SRPK2: variants seen among roughly 807,000 people sequenced by gnomAD.
The protein encoded by SRPK2 is SFRS protein kinase 2.
In SRPK2, 21 loss-of-function variants were observed where a neutral mutation model predicts 90.8. The ratio of observed to expected loss-of-function variants is 0.23; its 90% CI spans 0.16 to 0.33. The LOEUF (loss-of-function observed/expected upper bound fraction) is 0.33, where lower values mean the gene tolerates loss of function less well. SRPK2 is among the 10% of genes least tolerant of loss of function. The pLI is 1.00. For missense variants in SRPK2, 620 were observed against 869.0 expected, an observed-to-expected ratio of 0.71 and a Z score of 3.60; for synonymous variants, 288 against 311.1, an observed-to-expected ratio of 0.93 and a Z score of 0.78.
Position 105,203,761 on chromosome 7 carries a change from A to T in SRPK2, c.96T>A (p.Pro32=). The T allele has an allele frequency of 3.1e-6, 5 of 1,599,518 alleles. No homozygotes were observed. Among genetic ancestry groups the T allele is most frequent in the Non-Finnish European group, 4.3e-6 (5 of 1,172,730 alleles). Residue 32 remains proline, a synonymous_variant, in exon 3 of 16, where the codon CCT becomes CCA. Transcript: ENST00000393651. ...GTGGCGGTGGAGGAGGAGGAACTAA[A>T]GGAGCTTTCTGTTGAGGCTCCGGCC... ...PKKPEPQQKA[P]LVPPPPPPPP... is the part of the protein sequence containing the mutation.
At chr7:105,324,848 C>T (rs2286124) in intron 2 of SRPK2, among the ~76,000 whole-genome samples, 27,551 of 152,072 alleles carry the variant, frequency 0.18, 3,155 homozygotes, top group East Asian at 0.58. Flanking sequence ...GATTGCGCCA[C>T]TGCACTCCAG....
intron 2 of SRPK2, among the ~76,000 whole-genome samples, chr7:105,368,745 C>G (rs1819363991): frequency 6.6e-6 from 1 of 152,030 alleles, no homozygotes; most frequent in Admixed American, 6.6e-5. Context: ...ATTAGCCAGG[C>G]ATGGTGGCGC....
At chr7:105,326,966 G>C (rs1479043534) in intron 2 of SRPK2, among the ~76,000 whole-genome samples, 1 of 151,870 alleles carries the variant, frequency 6.6e-6, no homozygotes, top group Non-Finnish European at 1.5e-5. Flanking sequence ...AGGAGGCTGA[G>C]GCAGGAGAAG....
intron 2 of SRPK2, among the ~76,000 whole-genome samples, chr7:105,309,666 ATTTT>A (rs939933743): frequency 2.0e-5 from 3 of 152,164 alleles, no homozygotes; most frequent in African/African-American, 7.2e-5. Flanking sequence ...AAATAGTCAC[ATTTT>A]TTTTCAGACT....
At chr7:105,281,136 G>T (rs139496627) in intron 2 of SRPK2, among the ~76,000 whole-genome samples, 1 of 150,870 alleles carries the variant, frequency 6.6e-6, no homozygotes, top group Admixed American at 6.6e-5. Context: ...TCTCTAGGTC[G>T]CCCAGGCTGG....
chr7:105,392,592 T>C (rs1289174818), upstream of SRPK2, among the ~76,000 whole-genome samples: 34 of 151,312 alleles, frequency 2.2e-4, no homozygotes, highest in African/African-American at 7.8e-4. Context: ...CAGCTCACTG[T>C]AACCTCCACT....
At chr7:105,295,374 TA>T (rs1809668875) in intron 2 of SRPK2, among the ~76,000 whole-genome samples, 1 of 152,084 alleles carries the variant, frequency 6.6e-6, no homozygotes, top group Non-Finnish European at 1.5e-5. Context: ...TAATATTTCA[TA>T]CTAATTACAT....
downstream of SRPK2, chr7:105,115,521 T>C (rs1055273698): frequency 3.3e-5 from 5 of 152,240 alleles, no homozygotes; most frequent in South Asian, 4.1e-4. Flanking sequence ...AAGGAAAAGA[T>C]AGATAGGACA....
At chr7:105,183,234 C>T (rs1268514786) in intron 3 of SRPK2, among the ~76,000 whole-genome samples, 1 of 152,134 alleles carries the variant, frequency 6.6e-6, no homozygotes, top group African/African-American at 2.4e-5. Context: ...CTTCAATATA[C>T]TGATACTGAT....
At chr7:105,384,045 A>G (rs1821259636) in intron 2 of SRPK2, among the ~76,000 whole-genome samples, 1 of 152,224 alleles carries the variant, frequency 6.6e-6, no homozygotes, top group African/African-American at 2.4e-5. Flanking sequence ...TAACGGCTGC[A>G]CAATTTAATG....
intron 2 of SRPK2, among the ~76,000 whole-genome samples, chr7:105,344,407 C>A (rs10240874): frequency 3.4e-5 from 2 of 58,458 alleles, no homozygotes; most frequent in Admixed American, 2.5e-4. Context: ...GCAGCCACAC[C>A]TTTTTTTTTT....
chr7:105,269,283 G>C lies in SRPK2; in HGVS notation c.72-65498C>G, dbSNP rs151296773. Among the ~76,000 whole-genome samples the C allele has an allele frequency of 4.4e-3, 674 of 151,906 alleles. 4 individuals carry two copies. Among genetic ancestry groups the C allele is most frequent in the African/African-American group, 0.015 (607 of 41,414 alleles). Reference sequence around the variant, plus strand: ...TGTAATAAACAGATATGCAACCCTTGGCTGTTTCTATTTCACTAGCCCTAA... The same window carrying C: ...TGTAATAAACAGATATGCAACCCTTCGCTGTTTCTATTTCACTAGCCCTAA... On this transcript the variant is annotated intron_variant, in intron 2 of 15. Transcript: ENST00000393651.
chr7:105,323,204 G>A (rs1813138394), intron 2 of SRPK2, among the ~76,000 whole-genome samples: 1 of 151,980 alleles, frequency 6.6e-6, no homozygotes, highest in Admixed American at 6.6e-5. Context: ...GAAAAAAAAA[G>A]TCCTACAAAA....
At chr7:105,157,495 A>ACAT (rs1806686206) in intron 7 of SRPK2, among the ~76,000 whole-genome samples, 1 of 152,232 alleles carries the variant, frequency 6.6e-6, no homozygotes, top group African/African-American at 2.4e-5. Context: ...GTAGATTATT[A>ACAT]ACTGGAGTAT....
rs759536742 is a variant in SRPK2 at position 105,203,727 on chromosome 7, G to A, written c.130C>T (p.Pro44Ser). ...VPPPPPPPPP[P>S]PPPLPDPTPP... The stretch of plus-strand genomic sequence containing the variant: ...GTGGGGTCTGGCAAAGGTGGCGGTG[G>A]TGGTGGTGGTGGCGGTGGAGGAGGA... The change falls in exon 3 of 16, where the codon CCA (proline) becomes TCA (serine). Residue 44 changes from proline (P) to serine (S), a missense_variant. By Grantham distance (74) the Pro-to-Ser change is moderately conservative. This residue lies in a region of SRPK2 where 196 missense variants were observed against 339.2 expected (regional missense o/e 0.58). Coordinates refer to ENST00000393651, the MANE Select transcript of SRPK2 (RefSeq NM_182692.3). 6.2e-7 allele frequency: 1 copy of A among 1,606,300 alleles called. No homozygotes were observed. Among genetic ancestry groups the A allele is most frequent in the Non-Finnish European group, 8.5e-7 (1 of 1,176,542 alleles).
chr7:105,313,852 G>T (rs1286568202), intron 2 of SRPK2, among the ~76,000 whole-genome samples: 1 of 151,954 alleles, frequency 6.6e-6, no homozygotes, highest in African/African-American at 2.4e-5. Flanking sequence ...AAAAGAAAAA[G>T]AAAAAACATT....
intron 3 of SRPK2, among the ~76,000 whole-genome samples, chr7:105,179,548 G>A (rs1295374256): frequency 6.6e-6 from 1 of 152,154 alleles, no homozygotes; most frequent in African/African-American, 2.4e-5. Flanking sequence ...TAAAAGACCA[G>A]GGATGGTGGC....
chr7:105,226,381 CA>C (rs1798714050), intron 2 of SRPK2, among the ~76,000 whole-genome samples: 1 of 152,118 alleles, frequency 6.6e-6, no homozygotes, highest in Non-Finnish European at 1.5e-5. Flanking sequence ...CCTCCACCTC[CA>C]GGGTTCAAGT....
At chr7:105,387,717 C>T (rs181506703) in intron 2 of SRPK2, among the ~76,000 whole-genome samples, 2 of 152,284 alleles carry the variant, frequency 1.3e-5, no homozygotes, top group African/African-American at 4.8e-5. Flanking sequence ...AGTATTCTTG[C>T]TCAAAAGAGC....
Sources: gnomAD v4.1 joint callset for allele counts (sites outside exome capture counted in the v4.1 genomes callset) on GRCh38, gnomAD v4.1.1 for gene constraint, gnomAD v4.1.1 regional missense constraint, MANE v1.5 for transcripts, NCBI Gene and HGNC (gene_info 2026-07-23, HGNC 2026-07-21) for gene names.